Variants in CACNA1A observed in about 807,000 individuals in gnomAD.
CACNA1A encodes the protein calcium voltage-gated channel subunit alpha1 A, also known as voltage-dependent P/Q-type calcium channel subunit alpha-1A.
A neutral mutation model predicts 262.4 loss-of-function variants in CACNA1A; 57 were observed. The ratio of observed to expected loss-of-function variants is 0.22; its 90% CI spans 0.18 to 0.27. The LOEUF is 0.27. Ranked by LOEUF, CACNA1A falls within the 10% of genes least tolerant of loss-of-function variation. The pLI is 1.00. For missense variants in CACNA1A, 2,526 were observed against 3,562.8 expected, an observed-to-expected ratio of 0.71 and a Z score of 7.41; for synonymous variants, 1,431 against 1,419.3, an observed-to-expected ratio of 1.01 and a Z score of -0.18.
chr19:13,291,831 T>C (rs1252459930), intron 19 of CACNA1A, among the ~76,000 whole-genome samples: 1 of 151,670 alleles, frequency 6.6e-6, no homozygotes, highest in East Asian at 1.9e-4. Flanking sequence ...CTTGGGCCCA[T>C]TGGGGGTACC....
At position 13,306,767 on chromosome 19, in the gene CACNA1A, C is replaced by T. The variant is rs530049335; in HGVS notation, c.1986+1015G>A. 2.0e-5 allele frequency among the ~76,000 whole-genome samples: 3 copies of T among 152,290 alleles called. No homozygotes were observed. In the South Asian group the frequency reaches 6.2e-4, roughly 32 times the overall value. The stretch of plus-strand genomic sequence containing the variant: ...AGGTCCTAGACAAGTAGGAACAGCT[C>T]CTCTGCCCCAGAGCCCACTGAAATG... On this transcript the variant is annotated intron_variant, in intron 15 of 46. Transcript: ENST00000360228.
At chr19:13,370,172 C>T (rs1452149914) in intron 4 of CACNA1A, among the ~76,000 whole-genome samples, 2 of 151,884 alleles carry the variant, frequency 1.3e-5, no homozygotes, top group East Asian at 3.9e-4. Flanking sequence ...GTGATTTCAG[C>T]TCACTGCAAC....
At chr19:13,408,092 C>T (rs1009053160) in intron 3 of CACNA1A, among the ~76,000 whole-genome samples, 3 of 152,104 alleles carry the variant, frequency 2.0e-5, no homozygotes, top group Non-Finnish European at 4.4e-5. Context: ...CCTGTGGAGC[C>T]GTGAGTCAAT....
At position 13,207,455 on chromosome 19, in the gene CACNA1A, G is replaced by C; in HGVS notation, c.7379C>G (p.Pro2460Arg). ...GTGCCGAGAAGGCGAGGCGCAGGCC[G>C]GGCCCGAGGCCCGGGGAGTCCTGGG... ...RSPRTPRASGPACASPSRHGR... is the reference protein window; with the variant it reads ...RSPRTPRASGRACASPSRHGR... The change falls in exon 47 of 47, where the codon CCG (proline) becomes CGG (arginine). Residue 2460 changes from proline (P) to arginine (R), a missense_variant. Around this residue, in one of 17 missense-constraint regions of CACNA1A, gnomAD observed 929 missense variants for 868.1 expected, o/e 1.07. Coordinates refer to ENST00000360228, the MANE Select transcript of CACNA1A (RefSeq NM_001127222.2). The surrounding 1 kb of genome is among the most constrained non-coding windows in gnomAD (Gnocchi z 5.7). The C allele has an allele frequency of 6.7e-7, 1 of 1,501,814 alleles. No homozygotes were observed. Among genetic ancestry groups the C allele is most frequent in the Non-Finnish European group, 8.9e-7 (1 of 1,128,840 alleles). The allele number at this position is 1,501,814 out of a possible 1,614,324, so 93.0% of individuals were successfully genotyped here.
At chr19:13,318,394 G>T (rs1376395607) in intron 10 of CACNA1A, among the ~76,000 whole-genome samples, 3 of 152,160 alleles carry the variant, frequency 2.0e-5, no homozygotes, top group African/African-American at 7.2e-5. Flanking sequence ...AGGCAGGGAG[G>T]TGACAGGCAG....
chr19:13,497,411 C>T (rs1981660809), intron 1 of CACNA1A, among the ~76,000 whole-genome samples: 1 of 136,542 alleles, frequency 7.3e-6, no homozygotes, highest in East Asian at 2.2e-4. Context: ...CTGCTTGAAC[C>T]CGGGAGGCGG....
chr19:13,413,571 T>A (rs1471733456), intron 3 of CACNA1A, among the ~76,000 whole-genome samples: 1 of 71,868 alleles, frequency 1.4e-5, no homozygotes, highest in Non-Finnish European at 2.5e-5. Context: ...GGTCCTGTCT[T>A]AAAAAAAAAA....
intron 3 of CACNA1A, among the ~76,000 whole-genome samples, chr19:13,387,016 A>C (rs1308730278): frequency 1.3e-5 from 2 of 151,592 alleles, no homozygotes; most frequent in Non-Finnish European, 2.9e-5. Flanking sequence ...CAGTGGTGCA[A>C]TCTGGGCTCA....
At position 13,319,924 on chromosome 19, in the gene CACNA1A, C is replaced by T. The variant is rs1421378311; in HGVS notation, c.1346-2603G>A. Among the ~76,000 whole-genome samples the T allele has an allele frequency of 6.6e-5, 10 of 152,212 alleles. No homozygotes were observed. The East Asian group carries it at 1.9e-3, about 29-fold the overall frequency. ...GTGTCAAGATGGTTCAGAGTGTGTGCTCTGGGCCGCCACATTGCACACCTG... is the reference window on the plus strand; with the variant it reads ...GTGTCAAGATGGTTCAGAGTGTGTGTTCTGGGCCGCCACATTGCACACCTG... On this transcript the variant is annotated intron_variant, in intron 10 of 46. Coordinates refer to ENST00000360228, the MANE Select transcript of CACNA1A (RefSeq NM_001127222.2).
At chr19:13,371,521 C>G in intron 4 of CACNA1A, 167 bp downstream of exon 4, 1 of 600,976 alleles carries the variant, frequency 1.7e-6, no homozygotes, top group Non-Finnish European at 3.0e-6. Flanking sequence ...TCATGGGGAG[C>G]TACAGTCATA....
In CACNA1A at chr19:13,461,390, C is replaced by T. The variant is rs1313087720; in HGVS notation, c.294-6178G>A. Among the ~76,000 whole-genome samples, 8 of 146,622 alleles carry T rather than the reference C, an allele frequency of 5.5e-5. No individual in the cohort carries two copies. In the East Asian group the frequency reaches 1.4e-3, roughly 26 times the overall value. On this transcript the variant is annotated intron_variant, in intron 1 of 46. Transcript: ENST00000360228. ...CAAAACAAAACAAAACAAAAATCAC[C>T]GGTGGAGGAAATGAAGGAAGGGGAC...
At chr19:13,493,447 G>A (rs1981136912) in intron 1 of CACNA1A, among the ~76,000 whole-genome samples, 1 of 152,160 alleles carries the variant, frequency 6.6e-6, no homozygotes, top group Admixed American at 6.5e-5. Context: ...CCCTACATTC[G>A]TGACAACCAA....
At chr19:13,413,895 A>AAAAGAAAGAAATAAAG (rs1555783334) in intron 3 of CACNA1A, among the ~76,000 whole-genome samples, 3 of 119,138 alleles carry the variant, frequency 2.5e-5, no homozygotes, top group Non-Finnish European at 4.8e-5. Flanking sequence ...GAAAGAAAGA[A>AAAAGAAAGAAATAAAG]AAAGAAAGAA....
chr19:13,443,789 T>C (rs2060765024), intron 3 of CACNA1A, among the ~76,000 whole-genome samples: 1 of 152,182 alleles, frequency 6.6e-6, no homozygotes, highest in Non-Finnish European at 1.5e-5. Flanking sequence ...CCCAGTATTA[T>C]TCTAGGTTTA....
chr19:13,299,919 T>C (rs913361140), intron 18 of CACNA1A, among the ~76,000 whole-genome samples: 1 of 152,154 alleles, frequency 6.6e-6, no homozygotes, highest in Non-Finnish European at 1.5e-5. Context: ...AGGCATTCGA[T>C]TCTTAAAAGG....
intron 3 of CACNA1A, among the ~76,000 whole-genome samples, chr19:13,414,066 A>G (rs2060179341): frequency 6.6e-6 from 1 of 151,800 alleles, no homozygotes; most frequent in South Asian, 2.1e-4. Context: ...TCTACAAAAA[A>G]TACAAAAATT....
intron 32 of CACNA1A, 80 bp from the exon 33 acceptor site, chr19:13,235,354 G>T: frequency 7.4e-7 from 1 of 1,349,300 alleles, no homozygotes; most frequent in Non-Finnish European, 1.0e-6. Flanking sequence ...CCAGTGCTCT[G>T]CCCCACTGGG....
At chr19:13,332,951 G>T in intron 8 of CACNA1A, 26 bp from the exon 9 acceptor site, 2 of 1,596,042 alleles carry the variant, frequency 1.3e-6, no homozygotes, top group Non-Finnish European at 1.7e-6. Context: ...ACAGAGTTAA[G>T]CTCCTGCATT....
At position 13,212,848 on chromosome 19, in the gene CACNA1A, A is replaced by ACACACTCT. The variant is rs1491475435; in HGVS notation, c.5941-109_5941-108insAGAGTGTG. On this transcript the variant is annotated intron_variant, in intron 40 of 46. Transcript: ENST00000360228. This position sits in a 1 kb window ranked among gnomAD's most constrained non-coding sequence, Gnocchi z 5.6. ...AGTATACACACACACACACACACACACTCTCTCAGGTCTCATCCATCTAGA... is the reference window on the plus strand; with the variant it reads ...AGTATACACACACACACACACACACACACACTCTCTCTCTCAGGTCTCATCCATCTAGA... 3 of 541,800 alleles carry ACACACTCT rather than the reference A, an allele frequency of 5.5e-6. No homozygotes were observed. The African/African-American group carries it at 5.9e-5, about 11-fold the overall frequency. 33.6% of individuals were successfully genotyped at this position (541,800 alleles called of 1,614,324 possible). A position where few individuals can be genotyped will look rare whatever the true frequency, so the allele number is the denominator to read the frequency against.
Sources: allele counts gnomAD v4.1 joint callset (sites outside exome capture counted in the v4.1 genomes callset), GRCh38; gene constraint gnomAD v4.1.1; regional missense constraint gnomAD v4.1.1; non-coding constraint Gnocchi (gnomAD v3.1); transcripts MANE v1.5; gene names NCBI Gene and HGNC (gene_info 2026-07-23, HGNC 2026-07-21).